The following SCRN1 variants were observed in gnomAD, a reference collection of about 807,000 sequenced individuals.
The protein encoded by SCRN1 is secernin-1.
A neutral mutation model predicts 43.3 loss-of-function variants in SCRN1; 19 were observed. That is an observed-to-expected ratio of 0.44 (90% CI 0.31 to 0.64). SCRN1 has a LOEUF of 0.64. SCRN1 is among the 30% of genes least tolerant of loss of function. The probability of loss-of-function intolerance (pLI) is 0.09; values close to 1 mark genes in which losing one functional copy is unlikely to be tolerated. For missense variants in SCRN1, 447 were observed against 524.1 expected (o/e 0.85, Z 1.44); for synonymous variants, 183 against 188.9 (o/e 0.97, Z 0.26).
chr7:29,962,841 A>T (rs1788371719), intron 2 of SCRN1, among the ~76,000 whole-genome samples: 1 of 152,172 alleles, frequency 6.6e-6, no homozygotes, highest in African/African-American at 2.4e-5. Flanking sequence ...ACATGATAGT[A>T]ATTGTGGCTC....
intron 2 of SCRN1, among the ~76,000 whole-genome samples, chr7:29,956,030 C>T (rs1788124974): frequency 6.6e-6 from 1 of 152,218 alleles, no homozygotes; most frequent in South Asian, 2.1e-4. Flanking sequence ...GCAGAACACA[C>T]AACTTAGTGG....
At chr7:29,936,068 A>G (rs1787312697) in intron 6 of SCRN1, among the ~76,000 whole-genome samples, 1 of 152,232 alleles carries the variant, frequency 6.6e-6, no homozygotes, top group Non-Finnish European at 1.5e-5. Flanking sequence ...TGTCTTAAAG[A>G]AGGGGCCAGT....
In SCRN1 at chr7:29,940,861, A is replaced by G; in HGVS notation, c.560T>C (p.Ile187Thr). 1.3e-6 allele frequency: 2 copies of G among 1,548,908 alleles called. No homozygotes were observed. Among genetic ancestry groups the G allele is most frequent in the Non-Finnish European group, 1.7e-6 (2 of 1,154,818 alleles). ...AGTGGTGAGCGAAAGCTGACTGCAA[A>G]TGCACCTCACTCCCTCTGCAGAGAG... Reference protein sequence around the residue: ...AEKVTEGVRCICSQLSLTTKM... With the variant: ...AEKVTEGVRCTCSQLSLTTKM... The change falls in exon 5 of 8, where the codon ATT (isoleucine) becomes ACT (threonine). Residue 187 changes from isoleucine (I) to threonine (T), a missense_variant. By Grantham distance (89) the Ile-to-Thr change is moderately conservative. Coordinates refer to ENST00000242059, the MANE Select transcript of SCRN1 (RefSeq NM_014766.5).
intron 1 of SCRN1, among the ~76,000 whole-genome samples, chr7:29,986,352 A>G (rs891228701): frequency 2.0e-5 from 3 of 152,380 alleles, no homozygotes; most frequent in African/African-American, 7.2e-5. Context: ...TTTACCCAAT[A>G]TATCCAACAT....
intron 1 of SCRN1, among the ~76,000 whole-genome samples, chr7:29,975,747 C>A (rs1410195142): frequency 2.0e-5 from 3 of 152,192 alleles, no homozygotes; most frequent in Non-Finnish European, 4.4e-5. Context: ...GTGGCAAATA[C>A]CCATTAGGAT....
intron 6 of SCRN1, among the ~76,000 whole-genome samples, chr7:29,932,651 CAAAA>C (rs1162835669): frequency 5.7e-3 from 46 of 8,012 alleles, no homozygotes; most frequent in African/African-American, 0.019. Context: ...GATTCCATCT[CAAAA>C]AAAAAAAAAA....
At chr7:29,935,552 G>T (rs1430455170) in intron 6 of SCRN1, among the ~76,000 whole-genome samples, 1 of 152,208 alleles carries the variant, frequency 6.6e-6, no homozygotes, top group African/African-American at 2.4e-5. Flanking sequence ...TCTAGGCTGA[G>T]GATCAGACTT....
chr7:29,952,345 C>T (rs1308404916), intron 3 of SCRN1, among the ~76,000 whole-genome samples: 1 of 152,182 alleles, frequency 6.6e-6, no homozygotes, highest in Non-Finnish European at 1.5e-5. Flanking sequence ...CTTGTAGTAT[C>T]AATATCATCT....
At chr7:29,929,269 C>CAAG (rs961500647) in intron 6 of SCRN1, among the ~76,000 whole-genome samples, 4 of 152,216 alleles carry the variant, frequency 2.6e-5, no homozygotes, top group Non-Finnish European at 4.4e-5. Context: ...TGGGCAAAGC[C>CAAG]AAGACTCCCA....
intron 2 of SCRN1, among the ~76,000 whole-genome samples, chr7:29,961,119 G>A (rs1157891603): frequency 1.4e-5 from 2 of 141,744 alleles, no homozygotes; most frequent in Admixed American, 1.4e-4. Flanking sequence ...TCTCACAGAG[G>A]GGGATTTGGC....
Position 29,943,976 on chromosome 7 carries a change from C to T in SCRN1, c.544+1G>A, listed in dbSNP as rs1400355362. On this transcript the variant is annotated splice_donor_variant, in intron 4 of 7. Coordinates refer to ENST00000242059, the MANE Select transcript of SCRN1 (RefSeq NM_014766.5). LOFTEE classifies it high-confidence loss of function. ...ACTCTCCATCATCCACACCCACTCA[C>T]CTGTGACTTTCTCGGCAGCCCAGTA... is the stretch of plus-strand genomic sequence containing the variant. 1 of 1,614,172 alleles carries T rather than the reference C, an allele frequency of 6.2e-7. No individual in the cohort carries two copies.
chr7:29,935,407 A>G (rs552681535), intron 6 of SCRN1, among the ~76,000 whole-genome samples: 3 of 152,328 alleles, frequency 2.0e-5, no homozygotes, highest in South Asian at 4.1e-4. Flanking sequence ...AATGAAATTT[A>G]ATACCAGCAA....
chr7:29,938,836 T>C (rs1787431685), intron 5 of SCRN1, among the ~76,000 whole-genome samples: 1 of 152,218 alleles, frequency 6.6e-6, no homozygotes, highest in African/African-American at 2.4e-5. Flanking sequence ...GACCCCTGAT[T>C]TCCCACTCCA....
chr7:29,967,493 A>G (rs2128097294), intron 2 of SCRN1, among the ~76,000 whole-genome samples: 1 of 151,372 alleles, frequency 6.6e-6, no homozygotes, highest in East Asian at 1.9e-4. Context: ...CCTCCAGGGT[A>G]GCTGGGACTA....
At chr7:29,981,083 T>C (rs1265907105) in intron 1 of SCRN1, among the ~76,000 whole-genome samples, 1 of 152,170 alleles carries the variant, frequency 6.6e-6, no homozygotes, top group East Asian at 1.9e-4. Context: ...TATTGGTCTT[T>C]TAATTATTTT....
In SCRN1 at chr7:29,950,437, C is replaced by T. The variant is rs989673373; in HGVS notation, c.341+4742G>A. On this transcript the variant is annotated intron_variant, in intron 3 of 7. Coordinates refer to ENST00000242059, the MANE Select transcript of SCRN1 (RefSeq NM_014766.5). The surrounding 1 kb of genome is among the most constrained non-coding windows in gnomAD (Gnocchi z 4.5). ...AAAAACCTGGACATCATGGATGGCACGTTGATGGCAGGAGGCAGACAGTTT... is the reference window on the plus strand; with the variant it reads ...AAAAACCTGGACATCATGGATGGCATGTTGATGGCAGGAGGCAGACAGTTT... Among the ~76,000 whole-genome samples the T allele has an allele frequency of 3.9e-5, 6 of 152,164 alleles. No homozygotes were observed. The highest frequency in any genetic ancestry group is 1.4e-4 in the African/African-American group (6 of 41,418).
intron 6 of SCRN1, among the ~76,000 whole-genome samples, chr7:29,935,042 C>T (rs1428804966): frequency 1.3e-5 from 2 of 152,226 alleles, no homozygotes; most frequent in Admixed American, 1.3e-4. Flanking sequence ...TCAAGAGCTC[C>T]TTCCTCTGTG....
intron 5 of SCRN1, among the ~76,000 whole-genome samples, chr7:29,938,806 CTCATCTCTGAAGGCTG>C (rs1196969648): frequency 6.6e-6 from 1 of 152,228 alleles, no homozygotes; most frequent in African/African-American, 2.4e-5. Context: ...GTTCAAGGCT[CTCATCTCTGAAGGCTG>C]TGAGACCCCT....
At position 29,936,697 on chromosome 7, in the gene SCRN1, A is replaced by C; in HGVS notation, c.764T>G (p.Met255Arg). 1 of 1,574,516 alleles carries C rather than the reference A, an allele frequency of 6.4e-7. No individual in the cohort carries two copies. Among genetic ancestry groups the C allele is most frequent in the Non-Finnish European group, 8.7e-7 (1 of 1,150,888 alleles). Residue 255 changes from methionine (M) to arginine (R), a missense_variant, in exon 6 of 8, where the codon ATG (methionine) becomes AGG (arginine). Physicochemically the swap from Met to Arg is moderately conservative, Grantham distance 91. Transcript: ENST00000242059. Reference sequence around the variant, plus strand: ...GCTGGCTTTGTCCCGTAAGGTGTTCATCATAGTCTGCACTGTGATGCTTTC... The same window carrying C: ...GCTGGCTTTGTCCCGTAAGGTGTTCCTCATAGTCTGCACTGTGATGCTTTC... ...QEESITVQTM[M>R]NTLRDKASGV...
Sources: gnomAD v4.1 joint callset for allele counts (sites outside exome capture counted in the v4.1 genomes callset) on GRCh38, gnomAD v4.1.1 for gene constraint, Gnocchi (gnomAD v3.1) non-coding constraint, MANE v1.5 for transcripts, NCBI Gene and HGNC (gene_info 2026-07-23, HGNC 2026-07-21) for gene names.